The following ARHGAP29 variants were observed in gnomAD, a reference collection of about 807,000 sequenced individuals.
ARHGAP29 encodes the protein rho GTPase-activating protein 29.
ARHGAP29 carries 43 observed loss-of-function variants against 122.6 expected under a neutral mutation model. The observed-to-expected ratio is 0.35, with a 90% CI of 0.27 to 0.45. The LOEUF (loss-of-function observed/expected upper bound fraction) is 0.45, where lower values mean the gene tolerates loss of function less well. ARHGAP29 is among the 20% of genes least tolerant of loss of function. ARHGAP29 has a pLI of 1.00. For missense variants in ARHGAP29, 1,303 were observed against 1,477.2 expected (o/e 0.88, Z 1.93); for synonymous variants, 506 against 497.1 (o/e 1.02, Z -0.24).
chr1:94,298,580 A>G, the ARHGAP29 span, among the ~76,000 whole-genome samples: 1 of 152,212 alleles, frequency 6.6e-6, no homozygotes, highest in Non-Finnish European at 1.5e-5. Context: ...CATTTTACAC[A>G]AAACAAGATA....
intron 20 of ARHGAP29, among the ~76,000 whole-genome samples, chr1:94,179,075 C>A (rs1196337382): frequency 2.0e-5 from 3 of 152,166 alleles, no homozygotes; most frequent in Non-Finnish European, 4.4e-5. Flanking sequence ...CTCTATTTGT[C>A]TGCAGATCTG....
At position 94,190,087 on chromosome 1, in the gene ARHGAP29, T is replaced by C. The variant is rs1488405369; in HGVS notation, c.1282-4A>G. On this transcript the variant is annotated splice_region_variant and splice_polypyrimidine_tract_variant and intron_variant, in intron 12 of 22. Transcript: ENST00000260526. ...TGTGGAAGAGGTTAACTGTTACCTA[T>C]GGACCCAGAGACAAAAGGCAGAGTA... 6 of 1,612,244 alleles carry C rather than the reference T, an allele frequency of 3.7e-6. No individual in the cohort carries two copies. Among genetic ancestry groups the C allele is most frequent in the South Asian group, 2.2e-5 (2 of 90,890 alleles).
intron 7 of ARHGAP29, among the ~76,000 whole-genome samples, chr1:94,204,205 C>T (rs1253413306): frequency 6.6e-6 from 1 of 151,198 alleles, no homozygotes; most frequent in Non-Finnish European, 1.5e-5. Flanking sequence ...TGGTCTCGAA[C>T]TCCCAGGCTC....
intron 11 of ARHGAP29, 87 bp downstream of exon 11, chr1:94,202,457 G>A (rs1324993006): frequency 6.6e-7 from 1 of 1,512,300 alleles, no homozygotes; most frequent in Non-Finnish European, 9.0e-7. Context: ...TTTCCAGGCA[G>A]TCTTGGCAGA....
chr1:94,216,056 C>G (rs1651939359), intron 3 of ARHGAP29, among the ~76,000 whole-genome samples: 1 of 152,176 alleles, frequency 6.6e-6, no homozygotes, highest in Non-Finnish European at 1.5e-5. Context: ...GGCAAAGGTG[C>G]AGGAAATCAG....
At chr1:94,189,826 A>ATT (rs1650028197) in intron 13 of ARHGAP29, 100 bp downstream of exon 13, 3 of 1,200,734 alleles carry the variant, frequency 2.5e-6, no homozygotes, top group Middle Eastern at 2.6e-4. Flanking sequence ...AAAATTTTTA[A>ATT]TTTTGTCAGT....
chr1:94,199,124 G>C (rs1650676020), intron 12 of ARHGAP29, among the ~76,000 whole-genome samples: 1 of 152,140 alleles, frequency 6.6e-6, no homozygotes, highest in Non-Finnish European at 1.5e-5. Context: ...ATAGCATTAG[G>C]AGAAACACCT....
the ARHGAP29 span, among the ~76,000 whole-genome samples, chr1:94,294,369 T>C: frequency 2.6e-5 from 4 of 152,084 alleles, no homozygotes; most frequent in South Asian, 4.2e-4. Context: ...TGGAGTGCCA[T>C]TGTGGCCCAC....
At chr1:94,187,513 A>G (rs185385332) in intron 15 of ARHGAP29, among the ~76,000 whole-genome samples, 109 of 152,310 alleles carry the variant, frequency 7.2e-4, no homozygotes, top group African/African-American at 2.4e-3. Flanking sequence ...CTGCCTCCCT[A>G]TAAATCCCAG....
chr1:94,184,201 C>G lies in ARHGAP29; in HGVS notation c.2197G>C (p.Glu733Gln). 2 of 1,610,316 alleles carry G rather than the reference C, an allele frequency of 1.2e-6. No individual in the cohort carries two copies. The highest frequency in any genetic ancestry group is 1.7e-6 in the Non-Finnish European group (2 of 1,178,660). Residue 733 changes from glutamate to glutamine, a missense_variant, in exon 19 of 23, where the codon GAA (glutamate) becomes CAA (glutamine). Transcript: ENST00000260526. ...TCACAGATATCATGTGAACTAAATT[C>G]TGAAATATCTACCAAGTGCATTCCA... ...ENGMHLVDIS[E>Q]FSSHDICDVL... is the part of the protein sequence containing the mutation.
At chr1:94,216,689 A>G (rs1651972023) in intron 3 of ARHGAP29, among the ~76,000 whole-genome samples, 1 of 152,242 alleles carries the variant, frequency 6.6e-6, no homozygotes, top group South Asian at 2.1e-4. Flanking sequence ...TTTTAAATAT[A>G]GGGTAAAATG....
chr1:94,270,485 A>G (rs1436110831), intron 1 of ARHGAP29, among the ~76,000 whole-genome samples: 2 of 152,210 alleles, frequency 1.3e-5, no homozygotes, highest in African/African-American at 4.8e-5. Context: ...GCCATATCAT[A>G]CAGTCAGACA....
chr1:94,204,266 C>G (rs531621189), intron 7 of ARHGAP29, among the ~76,000 whole-genome samples: 13 of 151,896 alleles, frequency 8.6e-5, no homozygotes, highest in Non-Finnish European at 1.6e-4. Context: ...TCAGGAATAG[C>G]TGGGATTACA....
chr1:94,186,877 A>G (rs1649836484), intron 15 of ARHGAP29, among the ~76,000 whole-genome samples: 1 of 152,178 alleles, frequency 6.6e-6, no homozygotes, highest in Admixed American at 6.5e-5. Context: ...AGTATTAGAG[A>G]TTGTAAACTC....
rs765694531 is a variant in ARHGAP29, at chr1:94,186,617, A to G, written c.1682-20T>C. The G allele has an allele frequency of 3.9e-6, 6 of 1,528,438 alleles. No homozygotes were observed. The allele number at this position is 1,528,438 out of a possible 1,614,324, so 94.7% of individuals were successfully genotyped here. On this transcript the variant is annotated intron_variant, in intron 15 of 22. Transcript: ENST00000260526. ...AGTCTCCTAGAAGAAAATTGTGGAT[A>G]CAATTACCTGACCATTCATTGTAGA... is the stretch of plus-strand genomic sequence containing the variant.
At chr1:94,208,052 G>A (rs1169337223) in intron 5 of ARHGAP29, among the ~76,000 whole-genome samples, 1 of 151,894 alleles carries the variant, frequency 6.6e-6, no homozygotes, top group African/African-American at 2.4e-5. Context: ...TAACCAGGCT[G>A]GTCCTGAACT....
At chr1:94,205,743 A>G (rs994215569) in intron 5 of ARHGAP29, 60 bp from the exon 6 acceptor site, 9 of 1,528,670 alleles carry the variant, frequency 5.9e-6, no homozygotes, top group Middle Eastern at 1.7e-4. Flanking sequence ...TTTGCTTCAG[A>G]ATTTTTTTGC....
chr1:94,179,029 C>T (rs889857773), intron 20 of ARHGAP29, among the ~76,000 whole-genome samples: 4 of 152,150 alleles, frequency 2.6e-5, no homozygotes, highest in African/African-American at 9.7e-5. Context: ...TCTTCCTCTG[C>T]ATGCTGTGCA....
the ARHGAP29 span, among the ~76,000 whole-genome samples, chr1:94,298,584 C>G: frequency 6.6e-6 from 1 of 152,118 alleles, no homozygotes; most frequent in East Asian, 1.9e-4. Flanking sequence ...TTACACAAAA[C>G]AAGATAGGTG....
Sources: allele counts gnomAD v4.1 joint callset (sites outside exome capture counted in the v4.1 genomes callset), GRCh38; gene constraint gnomAD v4.1.1; transcripts MANE v1.5; gene names NCBI Gene and HGNC (gene_info 2026-07-23, HGNC 2026-07-21).